Variants in SPAG7 observed in about 807,000 individuals in gnomAD.
The protein encoded by SPAG7 is sperm associated antigen 7, also known as sperm-associated antigen 7.
In SPAG7, 20 loss-of-function variants were observed where a neutral mutation model predicts 30.6. The ratio of observed to expected loss-of-function variants is 0.65; its 90% CI spans 0.46 to 0.95. The LOEUF (loss-of-function observed/expected upper bound fraction) is 0.95, where lower values mean the gene tolerates loss of function less well. Among genes scored for constraint, SPAG7 ranks in the 40% least tolerant of loss-of-function variants. The probability of loss-of-function intolerance (pLI) is 0.00; values close to 1 mark genes in which losing one functional copy is unlikely to be tolerated. For synonymous variants in SPAG7, 127 were observed against 104.2 expected, an observed-to-expected ratio of 1.22 and a Z score of -1.33; for missense variants, 276 against 291.1, an observed-to-expected ratio of 0.95 and a Z score of 0.38.
intron 1 of SPAG7, among the ~76,000 whole-genome samples, chr17:4,963,511 T>G (rs1971899575): frequency 7.2e-6 from 1 of 138,264 alleles, no homozygotes; most frequent in Non-Finnish European, 1.5e-5. Flanking sequence ...CAGGCTGGAG[T>G]GCAGTGGCAC....
At chr17:4,966,968 C>A in intron 1 of SPAG7, 1 of 985,534 alleles carries the variant, frequency 1.0e-6, no homozygotes, top group Non-Finnish European at 1.2e-6. Flanking sequence ...AGCTGCAACA[C>A]GAGCAGCCCC....
At chr17:4,960,933 G>C in intron 1 of SPAG7, 80 bp from the exon 2 acceptor site, 8 of 1,225,294 alleles carry the variant, frequency 6.5e-6, no homozygotes, top group Non-Finnish European at 9.6e-6. Context: ...AGTGAAGTGT[G>C]GTGTCCACTG....
chr17:4,962,205 C>A (rs1971874657), intron 1 of SPAG7, among the ~76,000 whole-genome samples: 1 of 152,244 alleles, frequency 6.6e-6, no homozygotes, highest in Middle Eastern at 3.4e-3. Flanking sequence ...ACTCCGTCTC[C>A]CAGGTTCAAG....
In SPAG7 at chr17:4,960,323, G is replaced by A. The variant is rs1266927902; in HGVS notation, c.243-5C>T. On this transcript the variant is annotated splice_polypyrimidine_tract_variant and splice_region_variant and intron_variant, in intron 3 of 6. Transcript: ENST00000206020. Reference sequence around the variant, plus strand: ...GCCACTTCCACCACATCATGTCTGGGATGGGATGGCAGAGGGGAAAGAGCA... The same window carrying A: ...GCCACTTCCACCACATCATGTCTGGAATGGGATGGCAGAGGGGAAAGAGCA... 2.5e-6 allele frequency: 4 copies of A among 1,613,970 alleles called. No individual in the cohort carries two copies. Among genetic ancestry groups the A allele is most frequent in the Non-Finnish European group, 3.4e-6 (4 of 1,179,840 alleles).
chr17:4,965,850 A>G (rs1443988619), intron 1 of SPAG7: 1 of 143,314 alleles, frequency 7.0e-6, no homozygotes, highest in Non-Finnish European at 1.5e-5. Context: ...TTATTTATTT[A>G]TCTATTTATT....
chr17:4,966,527 T>G (rs1156730594), intron 1 of SPAG7: 1 of 932,732 alleles, frequency 1.1e-6, no homozygotes, highest in East Asian at 1.2e-4. Flanking sequence ...CCCATCATGC[T>G]TCCTCCTTTC....
Position 4,959,546 on chromosome 17 carries a change from C to A in SPAG7, c.672G>T (p.Pro224=), listed in dbSNP as rs201003880. Residue 224 remains proline, a synonymous_variant, in exon 7 of 7, where the codon CCG becomes CCT. Coordinates refer to ENST00000206020, the MANE Select transcript of SPAG7 (RefSeq NM_004890.3). The stretch of plus-strand genomic sequence containing the variant: ...CTGGGCGGGGCGCCTAGGAGGTTGG[C>A]GGCAACTCTTCCCCACTCTGCCGCA... ...KRLRQSGEEL[P]PTS The A allele has an allele frequency of 1.9e-6, 3 of 1,613,064 alleles. No individual in the cohort carries two copies. Among genetic ancestry groups the A allele is most frequent in the Admixed American group, 3.3e-5 (2 of 60,020 alleles).
intron 1 of SPAG7, 58 bp downstream of exon 1, chr17:4,967,659 GGGA>G: frequency 7.7e-7 from 1 of 1,300,892 alleles, no homozygotes; most frequent in East Asian, 2.3e-5. Flanking sequence ...CGTCCAAAGA[GGGA>G]GAAGTATGGT....
In SPAG7 at chr17:4,964,510, C is replaced by T. The variant is rs180869940; in HGVS notation, c.85+3210G>A. Among the ~76,000 whole-genome samples the T allele has an allele frequency of 5.0e-3, 754 of 149,476 alleles. 5 individuals are homozygous for T. Among genetic ancestry groups the T allele is most frequent in the African/African-American group, 0.017 (673 of 40,626 alleles). On this transcript the variant is annotated intron_variant, in intron 1 of 6. Coordinates refer to ENST00000206020, the MANE Select transcript of SPAG7 (RefSeq NM_004890.3). ...CCAAGTAGCTGGGACTACAGGCGCC[C>T]GCCACCACGCCTGGAGAATTTTTTG...
In SPAG7 at chr17:4,960,221, T is replaced by G; in HGVS notation, c.327+13A>C. On this transcript the variant is annotated intron_variant, in intron 4 of 6. Coordinates refer to ENST00000206020, the MANE Select transcript of SPAG7 (RefSeq NM_004890.3). ...AAGGGGAGAGGAGAGAATGAGGAATTCAGGCCCTTTACCTTTTTGAAGATC... is the reference window on the plus strand; with the variant it reads ...AAGGGGAGAGGAGAGAATGAGGAATGCAGGCCCTTTACCTTTTTGAAGATC... The G allele has an allele frequency of 1.9e-6, 3 of 1,613,338 alleles. No individual in the cohort carries two copies. The highest frequency in any genetic ancestry group is 2.5e-6 in the Non-Finnish European group (3 of 1,179,280).
chr17:4,965,658 C>A (rs1315024956), intron 1 of SPAG7, among the ~76,000 whole-genome samples: 1 of 151,976 alleles, frequency 6.6e-6, no homozygotes, highest in Non-Finnish European at 1.5e-5. Context: ...ACCATCAGCG[C>A]ATTTCATCTT....
intron 4 of SPAG7, 40 bp downstream of exon 4, chr17:4,960,194 C>T (rs1597710833): frequency 6.2e-7 from 1 of 1,606,560 alleles, no homozygotes. Context: ...GATAAGGCTA[C>T]AAAGGGGAGA....
intron 1 of SPAG7, chr17:4,967,176 G>A (rs1342393089): frequency 1.0e-6 from 1 of 987,006 alleles, no homozygotes; most frequent in Non-Finnish European, 1.2e-6. Flanking sequence ...GAAAAAGGTT[G>A]TCGGAGGGAG....
At chr17:4,962,214 A>G (rs1460995567) in intron 1 of SPAG7, among the ~76,000 whole-genome samples, 1 of 152,100 alleles carries the variant, frequency 6.6e-6, no homozygotes, top group African/African-American at 2.4e-5. Flanking sequence ...CCCAGGTTCA[A>G]GCGATTCTCC....
intron 1 of SPAG7, chr17:4,966,994 G>A (rs1971966867): frequency 2.0e-6 from 2 of 985,518 alleles, no homozygotes; most frequent in African/African-American, 1.7e-5. Context: ...GGCTCCCACC[G>A]CCCTGCAGGG....
In SPAG7 at chr17:4,959,273, G is replaced by A. The variant is rs750108612; in HGVS notation, c.*261C>T. 1.8e-5 allele frequency: 10 copies of A among 545,516 alleles called. No homozygotes were observed. The highest frequency in any genetic ancestry group is 4.8e-4 in the Middle Eastern group (1 of 2,094). 33.8% of individuals were successfully genotyped at this position (545,516 alleles called of 1,614,324 possible). On this transcript the variant is annotated 3_prime_UTR_variant, in exon 7 of 7. Transcript: ENST00000206020. ...AATGTAAAGTACCCCAGCCCCATGG[G>A]GAAGAAAATTCCAAGAACGGGGAAT...
chr17:4,965,644 A>G (rs1271525353), intron 1 of SPAG7, among the ~76,000 whole-genome samples: 4 of 151,584 alleles, frequency 2.6e-5, no homozygotes, highest in African/African-American at 7.3e-5. Context: ...CTCTGTCCTC[A>G]CTGACCATCA....
At chr17:4,966,479 A>T (rs1971953974) in intron 1 of SPAG7, 3 of 635,444 alleles carry the variant, frequency 4.7e-6, no homozygotes, top group African/African-American at 4.0e-5. Flanking sequence ...CCCCACTTAG[A>T]CAGTCATCGG....
chr17:4,966,711 T>G (rs1348935627), intron 1 of SPAG7: 1 of 985,370 alleles, frequency 1.0e-6, no homozygotes, highest in Non-Finnish European at 1.2e-6. Context: ...AACTTACGTG[T>G]GATCACTGCA....
Sources: gnomAD v4.1 joint callset for allele counts (sites outside exome capture counted in the v4.1 genomes callset) on GRCh38, gnomAD v4.1.1 for gene constraint, MANE v1.5 for transcripts, NCBI Gene and HGNC (gene_info 2026-07-23, HGNC 2026-07-21) for gene names.